The following KAZN variants were observed in gnomAD, a reference collection of about 807,000 sequenced individuals.
KAZN encodes the protein kazrin, periplakin interacting protein.
KAZN carries 40 observed loss-of-function variants against 87.4 expected under a neutral mutation model. The observed-to-expected ratio is 0.46, with a 90% confidence interval of 0.36 to 0.60. The LOEUF is 0.60. KAZN is among the 20% of genes least tolerant of loss of function. The pLI is 0.00. For missense variants in KAZN, 898 were observed against 1,073.9 expected, an observed-to-expected ratio of 0.84 and a Z score of 2.29; for synonymous variants, 466 against 458.3, an observed-to-expected ratio of 1.02 and a Z score of -0.22.
intron 2 of KAZN, among the ~76,000 whole-genome samples, chr1:14,961,186 C>G (rs1489045225): frequency 6.6e-6 from 1 of 152,232 alleles, no homozygotes; most frequent in Admixed American, 6.5e-5. Flanking sequence ...AGCCGAGTCT[C>G]TCTTACCCAG....
chr1:14,312,428 G>T (rs969883794), intron 2 of KAZN, among the ~76,000 whole-genome samples: 1 of 152,058 alleles, frequency 6.6e-6, no homozygotes, highest in Non-Finnish European at 1.5e-5. Context: ...TAGGAAATAG[G>T]TAATATTATT....
At chr1:14,518,300 C>T (rs1027068731) in intron 2 of KAZN, among the ~76,000 whole-genome samples, 3 of 151,756 alleles carry the variant, frequency 2.0e-5, no homozygotes, top group Admixed American at 1.3e-4. Flanking sequence ...CCTCAGCCCC[C>T]TGAGTAGCTG....
At chr1:14,103,570 C>A (rs1644305747) in intron 1 of KAZN, among the ~76,000 whole-genome samples, 1 of 152,186 alleles carries the variant, frequency 6.6e-6, no homozygotes, top group South Asian at 2.1e-4. Flanking sequence ...CCTTTTCCAG[C>A]CTCTAGTGAT....
intron 2 of KAZN, among the ~76,000 whole-genome samples, chr1:14,365,903 TAAC>T (rs542168985): frequency 2.1e-4 from 32 of 152,218 alleles, no homozygotes; most frequent in Non-Finnish European, 3.5e-4. Context: ...TTGCTAATAA[TAAC>T]GACTCAAAAT....
chr1:14,252,278 G>C (rs576648025), intron 2 of KAZN, among the ~76,000 whole-genome samples: 9 of 152,160 alleles, frequency 5.9e-5, no homozygotes, highest in Admixed American at 5.9e-4. Context: ...TTCCTTGCTA[G>C]TCATAAGCTG....
At chr1:14,472,644 C>CT (rs796277890) in intron 2 of KAZN, among the ~76,000 whole-genome samples, 6,829 of 140,584 alleles carry the variant, frequency 0.049, 267 homozygotes, top group East Asian at 0.18. Context: ...AAAGAAGCTT[C>CT]TTTTTTTTTT....
intron 14 of KAZN, chr1:15,114,228 C>A (rs767307765): frequency 2.2e-6 from 1 of 458,350 alleles, no homozygotes; most frequent in Non-Finnish European, 4.0e-6. Context: ...TTTGTCCTCA[C>A]CCTTGGTAAC....
intron 1 of KAZN, among the ~76,000 whole-genome samples, chr1:14,085,068 T>C (rs911091736): frequency 6.6e-6 from 1 of 152,198 alleles, no homozygotes; most frequent in East Asian, 1.9e-4. Context: ...GGTTCTTTCA[T>C]TCAAAGATTC....
chr1:14,799,014 T>G (rs190985250), intron 1 of KAZN, among the ~76,000 whole-genome samples: 1 of 152,206 alleles, frequency 6.6e-6, no homozygotes, highest in African/African-American at 2.4e-5. Flanking sequence ...TGAGCTCAAG[T>G]GATCTGCCTG....
chr1:14,585,422 T>G (rs909087081), intron 2 of KAZN, among the ~76,000 whole-genome samples: 9 of 152,196 alleles, frequency 5.9e-5, no homozygotes, highest in African/African-American at 2.2e-4. Context: ...GGGGTTTACC[T>G]CAGGCCAGGT....
At chr1:14,668,088 G>A (rs911933046) in intron 1 of KAZN, among the ~76,000 whole-genome samples, 4 of 152,120 alleles carry the variant, frequency 2.6e-5, no homozygotes, top group Admixed American at 1.3e-4. Flanking sequence ...ATGATTGTAT[G>A]GCCCCAAAGG....
chr1:14,390,244 C>T (rs1426507553), intron 2 of KAZN, among the ~76,000 whole-genome samples: 2 of 152,118 alleles, frequency 1.3e-5, no homozygotes, highest in Non-Finnish European at 2.9e-5. Context: ...GTGAGTAAAA[C>T]ATACAAAAAA....
intron 1 of KAZN, among the ~76,000 whole-genome samples, chr1:14,778,921 T>C (rs1297354335): frequency 6.6e-6 from 1 of 152,172 alleles, no homozygotes; most frequent in Non-Finnish European, 1.5e-5. Context: ...GCAGCTTCAC[T>C]TGTGGGTCTG....
intron 1 of KAZN, among the ~76,000 whole-genome samples, chr1:14,797,303 C>T (rs1180651632): frequency 2.0e-5 from 3 of 152,068 alleles, no homozygotes; most frequent in African/African-American, 4.8e-5. Flanking sequence ...TCAGGTGATC[C>T]GCCTGCCTCT....
chr1:14,684,619 T>G (rs1640853473), intron 1 of KAZN, among the ~76,000 whole-genome samples: 1 of 152,222 alleles, frequency 6.6e-6, no homozygotes, highest in Non-Finnish European at 1.5e-5. Flanking sequence ...AGATGTTTCT[T>G]CGCTCTTTCT....
chr1:14,444,316 T>C (rs2148318520), intron 2 of KAZN, among the ~76,000 whole-genome samples: 1 of 146,254 alleles, frequency 6.8e-6, no homozygotes, highest in Admixed American at 6.8e-5. Context: ...ATTTTTTTTT[T>C]TTTTTTTTTT....
intron 2 of KAZN, among the ~76,000 whole-genome samples, chr1:14,373,313 G>A (rs76589709): frequency 0.057 from 8,629 of 152,092 alleles, 614 homozygotes; most frequent in East Asian, 0.28. Flanking sequence ...TGGAGACCCA[G>A]GAAAGCTGTT....
At chr1:14,766,467 C>T (rs1644887619) in intron 1 of KAZN, among the ~76,000 whole-genome samples, 1 of 151,922 alleles carries the variant, frequency 6.6e-6, no homozygotes, top group Non-Finnish European at 1.5e-5. Flanking sequence ...GAGATGCCGG[C>T]TGGCACACTG....
intron 1 of KAZN, among the ~76,000 whole-genome samples, chr1:14,631,160 G>A (rs1679532664): frequency 1.3e-5 from 2 of 152,074 alleles, no homozygotes; most frequent in South Asian, 2.1e-4. Context: ...TCCAATCAGA[G>A]TGAATCCAAC....
Sources: gnomAD v4.1 joint callset for allele counts (sites outside exome capture counted in the v4.1 genomes callset) on GRCh38, gnomAD v4.1.1 for gene constraint, MANE v1.5 for transcripts, NCBI Gene and HGNC (gene_info 2026-07-23, HGNC 2026-07-21) for gene names.